Variants in GPR137B observed in about 807,000 individuals in gnomAD.
GPR137B encodes the protein G protein-coupled receptor 137B.
Under a neutral mutation model 42.5 loss-of-function variants are expected in GPR137B, and 42 were observed. The observed-to-expected ratio is 0.99, with a 90% confidence interval of 0.77 to 1.28. The LOEUF (loss-of-function observed/expected upper bound fraction) is 1.28, where lower values mean the gene tolerates loss of function less well. Ranked by LOEUF, GPR137B falls within the 50% of genes most tolerant of loss-of-function variation. GPR137B has a pLI of 0.00. For missense variants in GPR137B, 487 were observed against 493.9 expected (o/e 0.99, Z 0.13); for synonymous variants, 218 against 209.7 (o/e 1.04, Z -0.34).
At chr1:236,169,270 C>A in intron 2 of GPR137B, among the ~76,000 whole-genome samples, 1 of 151,030 alleles carries the variant, frequency 6.6e-6, no homozygotes, top group African/African-American at 2.5e-5. Flanking sequence ...GGCAGGGCCT[C>A]GCCCCTGCAG....
intron 5 of GPR137B, among the ~76,000 whole-genome samples, chr1:236,203,271 G>C (rs934235703): frequency 3.3e-5 from 5 of 152,088 alleles, no homozygotes; most frequent in African/African-American, 1.2e-4. Context: ...TAGAGATGGG[G>C]TTTCACTGTG....
intron 1 of GPR137B, among the ~76,000 whole-genome samples, chr1:236,154,046 C>G (rs1232451107): frequency 6.6e-6 from 1 of 152,110 alleles, no homozygotes; most frequent in Non-Finnish European, 1.5e-5. Flanking sequence ...TTGGGTGCCA[C>G]TGGGAGGTGA....
At chr1:236,179,426 C>T (rs560174136) in intron 3 of GPR137B, among the ~76,000 whole-genome samples, 2 of 152,216 alleles carry the variant, frequency 1.3e-5, no homozygotes, top group East Asian at 3.9e-4. Context: ...TATTCCCGGC[C>T]TCAAAGATTC....
intron 2 of GPR137B, among the ~76,000 whole-genome samples, chr1:236,177,713 A>G (rs553076445): frequency 5.3e-5 from 8 of 151,766 alleles, no homozygotes; most frequent in Non-Finnish European, 8.8e-5. Flanking sequence ...GTGCCACCAC[A>G]CCCAGCTAAT....
At chr1:236,164,854 C>T (rs141810859) in intron 1 of GPR137B, among the ~76,000 whole-genome samples, 10 of 151,886 alleles carry the variant, frequency 6.6e-5, no homozygotes, top group African/African-American at 2.2e-4. Context: ...AAGAGTTTCT[C>T]AGCACAGCTT....
chr1:236,186,741 TG>T (rs1366814588), intron 5 of GPR137B, among the ~76,000 whole-genome samples: 1 of 152,204 alleles, frequency 6.6e-6, no homozygotes, highest in Non-Finnish European at 1.5e-5. Flanking sequence ...CTATCATTGA[TG>T]GACATTTGGG....
At chr1:236,198,634 G>T (rs1358800120) in intron 5 of GPR137B, among the ~76,000 whole-genome samples, 1 of 152,172 alleles carries the variant, frequency 6.6e-6, no homozygotes, top group Non-Finnish European at 1.5e-5. Context: ...TCTGTCATCT[G>T]TGATTTCTTT....
intron 5 of GPR137B, among the ~76,000 whole-genome samples, chr1:236,203,072 T>TTTTC (rs776915388): frequency 6.6e-6 from 1 of 152,068 alleles, no homozygotes; most frequent in African/African-American, 2.4e-5. Flanking sequence ...TGTCTGTTTC[T>TTTTC]TTTCTTTCTT....
rs1231046915 is a variant in GPR137B at position 236,150,295 on chromosome 1, GTGTT to G, written c.414+7263_414+7266del. On this transcript the variant is annotated intron_variant, in intron 1 of 6. Coordinates refer to ENST00000366592, the MANE Select transcript of GPR137B (RefSeq NM_003272.4). The surrounding 1 kb of genome is among the most constrained non-coding windows in gnomAD (Gnocchi z 6.2). ...TCTGTGCCTGTGTGTGTCTTTGCCT[GTGTT>G]TGTGTGTATGTGCCTGTGTGTGTGT... Among the ~76,000 whole-genome samples, 1 of 151,216 alleles carries G rather than the reference GTGTT, an allele frequency of 6.6e-6. No homozygotes were observed. The highest frequency in any genetic ancestry group is 2.4e-5 in the African/African-American group (1 of 41,092).
At chr1:236,173,759 T>C (rs34578607) in intron 2 of GPR137B, among the ~76,000 whole-genome samples, 37,381 of 151,792 alleles carry the variant, frequency 0.25, 5,475 homozygotes, top group African/African-American at 0.4. Flanking sequence ...GTGTACAAAA[T>C]TCTTTCTGTG....
In GPR137B at chr1:236,179,991, A is replaced by G. The variant is rs1361420802; in HGVS notation, c.800A>G (p.His267Arg). 1.9e-6 allele frequency: 3 copies of G among 1,613,718 alleles called. No homozygotes were observed. The highest frequency in any genetic ancestry group is 2.5e-6 in the Non-Finnish European group (3 of 1,179,796). The change falls in exon 4 of 7, where the codon CAT becomes CGT. Residue 267 changes from histidine (H) to arginine (R), a missense_variant. Physicochemically the swap from His to Arg is conservative, Grantham distance 29. Coordinates refer to ENST00000366592, the MANE Select transcript of GPR137B (RefSeq NM_003272.4). ...TCATTTTCTCAGAACAAGAGCGTCC[A>G]TTCCTTTGATTATGACTGGTACAAT... ...ILSFSQNKSV[H>R]SFDYDWYNVS... is the part of the protein sequence containing the mutation.
chr1:236,207,942 A>G (rs759454370), intron 6 of GPR137B, 108 bp from the exon 7 acceptor site: 9 of 724,822 alleles, frequency 1.2e-5, no homozygotes, highest in African/African-American at 3.5e-5. Flanking sequence ...AGAACTTTAG[A>G]GTTATCTATA....
At chr1:236,168,569 C>A in intron 1 of GPR137B, 137 bp from the exon 2 acceptor site, 1 of 673,120 alleles carries the variant, frequency 1.5e-6, no homozygotes, top group Non-Finnish European at 2.7e-6. Flanking sequence ...TTTGGCATAA[C>A]AAACGTGGAC....
At chr1:236,169,411 C>A (rs1662467960) in intron 2 of GPR137B, among the ~76,000 whole-genome samples, 1 of 152,262 alleles carries the variant, frequency 6.6e-6, no homozygotes, top group South Asian at 2.1e-4. Context: ...CATCCACATC[C>A]AGAAATACTG....
Position 236,178,580 on chromosome 1 carries a change from A to G in GPR137B, c.631A>G (p.Ile211Val). 2 of 1,612,734 alleles carry G rather than the reference A, an allele frequency of 1.2e-6. No individual in the cohort carries two copies. The highest frequency in any genetic ancestry group is 1.1e-5 in the South Asian group (1 of 91,006). Residue 211 changes from isoleucine (I) to valine (V), a missense_variant, in exon 3 of 7, where the codon ATC becomes GTC. Ile to Val is a conservative substitution (Grantham distance 29, BLOSUM62 3). Transcript: ENST00000366592. ...LFVLCAVSLS[I>V]CLYKISKMSL... ...CGTGCTGTGTGCCGTCTCTCTCTCC[A>G]TCTGTCTCTACAAAATCTCTAAGAT... is the stretch of plus-strand genomic sequence containing the variant.
At chr1:236,172,608 G>A (rs1227428778) in intron 2 of GPR137B, among the ~76,000 whole-genome samples, 1 of 151,870 alleles carries the variant, frequency 6.6e-6, no homozygotes, top group Admixed American at 6.5e-5. Flanking sequence ...TTTGGCATGG[G>A]AGTAATCATT....
intron 6 of GPR137B, among the ~76,000 whole-genome samples, chr1:236,207,720 A>G (rs1245232839): frequency 6.6e-6 from 1 of 152,216 alleles, no homozygotes; most frequent in East Asian, 1.9e-4. Flanking sequence ...TACTTGTCCA[A>G]AGACACCACC....
chr1:236,186,123 CAAAT>C (rs1571996159), intron 5 of GPR137B, among the ~76,000 whole-genome samples: 1 of 144,594 alleles, frequency 6.9e-6, no homozygotes, highest in African/African-American at 2.6e-5. Context: ...TTTTTATTGC[CAAAT>C]AAATATTTCA....
At chr1:236,152,365 G>A (rs911276007) in intron 1 of GPR137B, among the ~76,000 whole-genome samples, 2 of 152,124 alleles carry the variant, frequency 1.3e-5, no homozygotes, top group South Asian at 2.1e-4. Context: ...AAGAGGCTGA[G>A]GTGGGAGGAT....
Sources: allele counts gnomAD v4.1 joint callset (sites outside exome capture counted in the v4.1 genomes callset), GRCh38; gene constraint gnomAD v4.1.1; non-coding constraint Gnocchi (gnomAD v3.1); transcripts MANE v1.5; gene names NCBI Gene and HGNC (gene_info 2026-07-23, HGNC 2026-07-21).